IL15RA: variants seen among roughly 807,000 people sequenced by gnomAD.
IL15RA encodes interleukin 15 receptor subunit alpha.
Under a neutral mutation model 24.2 loss-of-function variants are expected in IL15RA, and 26 were observed. That is an observed-to-expected ratio of 1.07 (90% CI 0.79 to 1.49). The LOEUF (loss-of-function observed/expected upper bound fraction) is 1.49. Ranked by LOEUF, IL15RA falls within the 40% of genes most tolerant of loss-of-function variation. The pLI is 0.00. For missense variants in IL15RA, 354 were observed against 356.4 expected (o/e 0.99, Z 0.05); for synonymous variants, 166 against 157.6 (o/e 1.05, Z -0.40).
chr10:5,969,764 G>A (rs1021357608), intron 1 of IL15RA, among the ~76,000 whole-genome samples: 3 of 152,192 alleles, frequency 2.0e-5, no homozygotes, highest in Non-Finnish European at 4.4e-5. Flanking sequence ...GGGAAGAATT[G>A]ATATCTTAAT....
downstream of IL15RA, among the ~76,000 whole-genome samples, chr10:5,949,469 G>A (rs1040878442): frequency 1.3e-5 from 2 of 152,132 alleles, no homozygotes; most frequent in African/African-American, 4.8e-5. This position sits in a 1 kb window ranked among gnomAD's most constrained non-coding sequence, Gnocchi z 4.4. Flanking sequence ...ATTTGGGTCG[G>A]GCTGGTCCTG....
rs1245498686 is a variant in IL15RA at position 5,961,127 on chromosome 10, C to T, written c.383-560G>A. On this transcript the variant is annotated intron_variant, in intron 3 of 6. Transcript: ENST00000379977. This position sits in a 1 kb window ranked among gnomAD's most constrained non-coding sequence, Gnocchi z 5.2. ...ATGGGGTTTCACCACGTTGGCCAGG[C>T]CGGTCTCAAACTCCTGACCTTAGGT... is the stretch of plus-strand genomic sequence containing the variant. Among the ~76,000 whole-genome samples, 1 of 152,168 alleles carries T rather than the reference C, an allele frequency of 6.6e-6. No homozygotes were observed. The highest frequency in any genetic ancestry group is 1.9e-4 in the East Asian group (1 of 5,188).
chr10:5,955,101 A>ATTTT lies in IL15RA; in HGVS notation c.692+1274_692+1277dup, dbSNP rs59892494. On this transcript the variant is annotated intron_variant, in intron 6 of 6. Transcript: ENST00000379977. The surrounding 1 kb of genome is among the most constrained non-coding windows in gnomAD (Gnocchi z 5.3). ...AAAATTAGGCTCAAAGGGTCACATAATTTTTTTTTTTTTTTGAGATGGAGT... is the reference window on the plus strand; with the variant it reads ...AAAATTAGGCTCAAAGGGTCACATAATTTTTTTTTTTTTTTTTTTGAGATGGAGT... Among the ~76,000 whole-genome samples the ATTTT allele has an allele frequency of 6.9e-6, 1 of 144,186 alleles. No individual in the cohort carries two copies. 94.6% of individuals were successfully genotyped at this position (144,186 alleles called of 152,430 possible).
At chr10:5,957,666 A>G (rs1209313263) in intron 5 of IL15RA, among the ~76,000 whole-genome samples, 1 of 145,114 alleles carries the variant, frequency 6.9e-6, no homozygotes, top group Non-Finnish European at 1.5e-5. Flanking sequence ...GAGTTTGCTC[A>G]CTGCAACCTC....
rs1446864986 is a variant in IL15RA at position 5,975,578 on chromosome 10, A to G, written c.88+1827T>C. 2.2e-5 allele frequency among the ~76,000 whole-genome samples: 3 copies of G among 134,998 alleles called. No homozygotes were observed. The highest frequency in any genetic ancestry group is 5.1e-5 in the Non-Finnish European group (3 of 59,034). 88.6% of individuals were successfully genotyped at this position (134,998 alleles called of 152,430 possible). On this transcript the variant is annotated intron_variant, in intron 1 of 6. Coordinates refer to ENST00000379977, the MANE Select transcript of IL15RA (RefSeq NM_002189.4). The surrounding 1 kb of genome is among the most constrained non-coding windows in gnomAD (Gnocchi z 4.8). ...TATTGTCGGTCAATTATACCTCAAT[A>G]AGGCTGTTAAAGGGAAAAAAAACAA...
rs1001558419 is a variant in IL15RA at position 5,964,683 on chromosome 10, C to T, written c.284-842G>A. Among the ~76,000 whole-genome samples the T allele has an allele frequency of 2.0e-5, 3 of 152,326 alleles. No individual in the cohort carries two copies. On this transcript the variant is annotated intron_variant, in intron 2 of 6. Transcript: ENST00000379977. This position sits in a 1 kb window ranked among gnomAD's most constrained non-coding sequence, Gnocchi z 5.6. ...TGGAGCCCATAGCTCTTCTCCATCC[C>T]GGATTCATTTGCCCAAAGGACATGG...
chr10:5,948,960 T>C (rs764925007), downstream of IL15RA: 2 of 266,020 alleles, frequency 7.5e-6, no homozygotes, highest in Non-Finnish European at 1.5e-5. Context: ...ACAAATCATA[T>C]ATAATGTGTA....
In IL15RA at chr10:5,952,817, TA is replaced by T; in HGVS notation, c.*277del. On this transcript the variant is annotated 3_prime_UTR_variant, in exon 7 of 7. Transcript: ENST00000379977. ...CCAGGCAGCTCACACTGTAATGAAA[TA>T]AAAATCCTGCTCAGAAGCCTTTGGT... is the stretch of plus-strand genomic sequence containing the variant. 1.9e-6 allele frequency: 1 copy of T among 521,014 alleles called. No homozygotes were observed. The allele number at this position is 521,014 out of a possible 1,614,324, so 32.3% of individuals were successfully genotyped here.
At position 5,962,367 on chromosome 10, in the gene IL15RA, G is replaced by A. The variant is rs187632184; in HGVS notation, c.382+1376C>T. ...AGCACTTTGGGAGACTAAGGCTTGC[G>A]GATCACCTGAGGTCAGGAGTTTGAG... On this transcript the variant is annotated intron_variant, in intron 3 of 6. Transcript: ENST00000379977. The surrounding 1 kb of genome is among the most constrained non-coding windows in gnomAD (Gnocchi z 5.2). 4.6e-3 allele frequency among the ~76,000 whole-genome samples: 694 copies of A among 152,196 alleles called. 3 individuals are homozygous for A. Among genetic ancestry groups the A allele is most frequent in the Non-Finnish European group, 5.8e-3 (393 of 68,016 alleles).
At chr10:5,951,512 T>C (rs759106414), downstream of IL15RA, among the ~76,000 whole-genome samples, 17 of 152,148 alleles carry the variant, frequency 1.1e-4, no homozygotes, top group Non-Finnish European at 1.9e-4. Flanking sequence ...CCACCTACAC[T>C]TCTTATTACT....
In IL15RA at chr10:5,966,133, A is replaced by G. The variant is rs766954232; in HGVS notation, c.283+12T>C. On this transcript the variant is annotated intron_variant, in intron 2 of 6. Coordinates refer to ENST00000379977, the MANE Select transcript of IL15RA (RefSeq NM_002189.4). This position sits in a 1 kb window ranked among gnomAD's most constrained non-coding sequence, Gnocchi z 6.4. ...GGGGAGGGAGGAAGGTGGGGTGGCAAGGGCTACTCACTAATGCATTTGAGA... is the reference window on the plus strand; with the variant it reads ...GGGGAGGGAGGAAGGTGGGGTGGCAGGGGCTACTCACTAATGCATTTGAGA... 6.3e-7 allele frequency: 1 copy of G among 1,590,086 alleles called. No individual in the cohort carries two copies. Among genetic ancestry groups the G allele is most frequent in the Admixed American group, 1.7e-5 (1 of 59,660 alleles).
chr10:5,972,418 G>A (rs1392907962), intron 1 of IL15RA, among the ~76,000 whole-genome samples: 1 of 152,040 alleles, frequency 6.6e-6, no homozygotes, highest in African/African-American at 2.4e-5. Context: ...TTGTCGCCCA[G>A]GCTGGAATGC....
chr10:5,976,574 T>G (rs1449327276), intron 1 of IL15RA, among the ~76,000 whole-genome samples: 2 of 152,114 alleles, frequency 1.3e-5, no homozygotes, highest in East Asian at 3.9e-4. Flanking sequence ...GCTCCCTGAC[T>G]ATAAAAAGAT....
intron 1 of IL15RA, among the ~76,000 whole-genome samples, chr10:5,969,994 A>G (rs1479178374): frequency 6.6e-6 from 1 of 152,028 alleles, no homozygotes; most frequent in Non-Finnish European, 1.5e-5. Flanking sequence ...TTGCATATTG[A>G]TTTTTTGGTG....
At chr10:5,956,304 C>T (rs3136629) in intron 6 of IL15RA, 75 bp downstream of exon 6, 35,513 of 1,204,198 alleles carry the variant, frequency 0.029, 634 homozygotes, top group African/African-American at 0.062. Flanking sequence ...CGTGAGCTAC[C>T]GCGCCCGGCC....
chr10:5,951,141 C>CAAAAAAAAA (rs60771366), downstream of IL15RA, among the ~76,000 whole-genome samples: 91 of 35,966 alleles, frequency 2.5e-3, 4 homozygotes, highest in African/African-American at 9.9e-3. Context: ...GACTCAGTCT[C>CAAAAAAAAA]AAAAAAAAAA....
chr10:5,972,773 C>T (rs1160088468), intron 1 of IL15RA, among the ~76,000 whole-genome samples: 2 of 152,082 alleles, frequency 1.3e-5, no homozygotes, highest in Non-Finnish European at 2.9e-5. Context: ...TTACTCAGTC[C>T]TCCGCTGTTT....
At chr10:5,969,041 T>G (rs1837112464) in intron 1 of IL15RA, 1 of 1,398,640 alleles carries the variant, frequency 7.1e-7, no homozygotes, top group Non-Finnish European at 9.7e-7. Flanking sequence ...TGTGTGTTTC[T>G]GGCTGACTCA....
chr10:5,961,399 T>C lies in IL15RA; in HGVS notation c.383-832A>G, dbSNP rs1410799775. On this transcript the variant is annotated intron_variant, in intron 3 of 6. Transcript: ENST00000379977. This position sits in a 1 kb window ranked among gnomAD's most constrained non-coding sequence, Gnocchi z 5.2. ...AGCCTGGGGGACAGAGTGAGACCCC[T>C]GTCTCTTAAAAAAAAAGGTGGGGGG... 6.9e-6 allele frequency among the ~76,000 whole-genome samples: 1 copy of C among 145,374 alleles called. No homozygotes were observed. Among genetic ancestry groups the C allele is most frequent in the African/African-American group, 2.5e-5 (1 of 40,066 alleles).
Sources: gnomAD v4.1 joint callset for allele counts (sites outside exome capture counted in the v4.1 genomes callset) on GRCh38, gnomAD v4.1.1 for gene constraint, Gnocchi (gnomAD v3.1) non-coding constraint, MANE v1.5 for transcripts, NCBI Gene and HGNC (gene_info 2026-07-23, HGNC 2026-07-21) for gene names.